Variants in PTPRT observed in about 807,000 individuals in gnomAD.
PTPRT encodes receptor-type tyrosine-protein phosphatase T.
Under a neutral mutation model 176.8 loss-of-function variants are expected in PTPRT, and 56 were observed. The observed-to-expected ratio is 0.32, with a 90% CI of 0.26 to 0.40. The LOEUF is 0.40. Ranked by LOEUF, PTPRT falls within the 10% of genes least tolerant of loss-of-function variation. The probability of loss-of-function intolerance (pLI) is 1.00; values close to 1 mark genes in which losing one functional copy is unlikely to be tolerated. For synonymous variants in PTPRT, 783 were observed against 739.0 expected (o/e 1.06, Z -0.96); for missense variants, 1,540 against 1,908.2 (o/e 0.81, Z 3.60).
intron 12 of PTPRT, among the ~76,000 whole-genome samples, chr20:42,290,695 A>C (rs73120056): frequency 0.076 from 11,556 of 151,984 alleles, 469 homozygotes; most frequent in Middle Eastern, 0.11. Context: ...CTACCTTATT[A>C]CTCAAAATGC....
At chr20:42,516,236 C>T (rs2072064598) in intron 7 of PTPRT, among the ~76,000 whole-genome samples, 1 of 144,010 alleles carries the variant, frequency 6.9e-6, no homozygotes, top group Admixed American at 6.9e-5. Flanking sequence ...CACATGTACC[C>T]TAAAACTTAA....
intron 2 of PTPRT, among the ~76,000 whole-genome samples, chr20:42,819,154 A>C (rs371852812): frequency 1.1e-4 from 17 of 152,294 alleles, no homozygotes; most frequent in African/African-American, 3.6e-4. Context: ...ACAGAGAGAA[A>C]GGCCAGGTCA....
At chr20:42,632,075 C>G (rs1188558713) in intron 7 of PTPRT, among the ~76,000 whole-genome samples, 1 of 152,114 alleles carries the variant, frequency 6.6e-6, no homozygotes, top group Non-Finnish European at 1.5e-5. Context: ...GCCTATGTGA[C>G]TAGCCCCCAG....
chr20:42,884,767 A>C (rs989094088), intron 2 of PTPRT, among the ~76,000 whole-genome samples: 8 of 152,152 alleles, frequency 5.3e-5, no homozygotes, highest in African/African-American at 1.7e-4. Flanking sequence ...CCTTTGGTCA[A>C]GCAGAAACTG....
intron 15 of PTPRT, among the ~76,000 whole-genome samples, chr20:42,217,121 C>A (rs1006426581): frequency 6.6e-6 from 1 of 152,100 alleles, no homozygotes; most frequent in Non-Finnish European, 1.5e-5. Context: ...TGCCTGTAAT[C>A]CCAGCATTTT....
At chr20:43,113,990 T>C (rs970644661) in intron 1 of PTPRT, among the ~76,000 whole-genome samples, 1 of 152,212 alleles carries the variant, frequency 6.6e-6, no homozygotes, top group East Asian at 1.9e-4. Context: ...TCTATGTAAA[T>C]TACATATTAA....
In PTPRT at chr20:42,168,699, A is replaced by G. The variant is rs569464482; in HGVS notation, c.2492-7157T>C. ...TCAACCACAGGTAGTTTCCCCTCCAACGCTGGAAGTGATTACATTTCCTTG... is the reference window on the plus strand; with the variant it reads ...TCAACCACAGGTAGTTTCCCCTCCAGCGCTGGAAGTGATTACATTTCCTTG... On this transcript the variant is annotated intron_variant, in intron 16 of 30. Transcript: ENST00000373187. Among the ~76,000 whole-genome samples the G allele has an allele frequency of 4.2e-4, 64 of 152,270 alleles. 1 individual carries two copies. The highest frequency in any genetic ancestry group is 1.5e-3 in the African/African-American group (61 of 41,558).
At chr20:42,128,888 T>A in intron 18 of PTPRT, 58 bp from the exon 19 acceptor site, 1 of 1,427,810 alleles carries the variant, frequency 7.0e-7, no homozygotes, top group Admixed American at 1.9e-5. Flanking sequence ...GCAGCTAATG[T>A]CCTCCTTTAG....
At chr20:42,848,206 C>T (rs944911171) in intron 2 of PTPRT, among the ~76,000 whole-genome samples, 1 of 152,164 alleles carries the variant, frequency 6.6e-6, no homozygotes, top group African/African-American at 2.4e-5. Flanking sequence ...CATATACATG[C>T]CATAATTTCT....
In PTPRT at chr20:42,140,986, C is replaced by G. The variant is rs551312554; in HGVS notation, c.2770+929G>C. On this transcript the variant is annotated intron_variant, in intron 18 of 30. Coordinates refer to ENST00000373187, the MANE Select transcript of PTPRT (RefSeq NM_007050.6). ...GTCAAGTAACTTTCCCAGGGCCCTA[C>G]AGTTGGGATAGAAACCTGGGCAGTT... Among the ~76,000 whole-genome samples, 5 of 152,278 alleles carry G rather than the reference C, an allele frequency of 3.3e-5. No homozygotes were observed. In the South Asian group the frequency reaches 1.0e-3, roughly 32 times the overall value.
chr20:42,305,820 A>G (rs779079736), intron 12 of PTPRT, among the ~76,000 whole-genome samples: 17 of 152,210 alleles, frequency 1.1e-4, no homozygotes, highest in Non-Finnish European at 2.5e-4. Context: ...CGGAAAAGCC[A>G]GTTCTAAAAC....
intron 1 of PTPRT, among the ~76,000 whole-genome samples, chr20:43,036,972 T>C (rs1986406432): frequency 6.6e-6 from 1 of 152,252 alleles, no homozygotes; most frequent in Non-Finnish European, 1.5e-5. Context: ...TTGATTCATA[T>C]AATAGCTGGT....
At chr20:42,968,394 C>T (rs937000842) in intron 1 of PTPRT, among the ~76,000 whole-genome samples, 3 of 152,224 alleles carry the variant, frequency 2.0e-5, no homozygotes, top group African/African-American at 7.2e-5. Context: ...AACAGGGATC[C>T]AGTGGAGAGA....
chr20:42,378,965 T>A (rs746833262), intron 9 of PTPRT, among the ~76,000 whole-genome samples: 9 of 152,226 alleles, frequency 5.9e-5, no homozygotes, highest in Non-Finnish European at 7.3e-5. Flanking sequence ...TGACACTGAC[T>A]CAACTTGCTC....
chr20:42,626,994 C>A (rs1363207374), intron 7 of PTPRT, among the ~76,000 whole-genome samples: 1 of 127,306 alleles, frequency 7.9e-6, no homozygotes, highest in Non-Finnish European at 1.6e-5. Flanking sequence ...TCACACTGGG[C>A]CTCTCTGATC....
intron 7 of PTPRT, among the ~76,000 whole-genome samples, chr20:42,543,735 C>T (rs6072781): frequency 0.51 from 76,758 of 151,696 alleles, 19,679 homozygotes; most frequent in African/African-American, 0.59. Context: ...ATTTCTTAAA[C>T]AAGACCCAAA....
intron 14 of PTPRT, among the ~76,000 whole-genome samples, chr20:42,245,394 T>C (rs2056430941): frequency 6.6e-6 from 1 of 152,238 alleles, no homozygotes; most frequent in Non-Finnish European, 1.5e-5. Flanking sequence ...AACTTGCTTC[T>C]CTTTCAAACT....
intron 7 of PTPRT, among the ~76,000 whole-genome samples, chr20:42,636,845 A>G (rs1242698216): frequency 6.6e-6 from 1 of 152,088 alleles, no homozygotes; most frequent in Non-Finnish European, 1.5e-5. Context: ...GATGGAAGTG[A>G]TGGTGAGATG....
chr20:42,615,345 A>G (rs1410269923), intron 7 of PTPRT, among the ~76,000 whole-genome samples: 1 of 137,418 alleles, frequency 7.3e-6, no homozygotes, highest in African/African-American at 3.2e-5. Context: ...ATTGTTGGAC[A>G]TTTCGGTTGG....
Sources: gnomAD v4.1 joint callset for allele counts (sites outside exome capture counted in the v4.1 genomes callset) on GRCh38, gnomAD v4.1.1 for gene constraint, MANE v1.5 for transcripts, NCBI Gene and HGNC (gene_info 2026-07-23, HGNC 2026-07-21) for gene names.